The following CIC variants were observed in gnomAD, a reference collection of about 807,000 sequenced individuals.
CIC encodes the protein capicua transcriptional repressor, also known as protein capicua homolog.
CIC carries 18 observed loss-of-function variants against 115.7 expected under a neutral mutation model. That is an observed-to-expected ratio of 0.16 (90% confidence interval 0.11 to 0.23). The LOEUF (loss-of-function observed/expected upper bound fraction) is 0.23, where lower values mean the gene tolerates loss of function less well. Ranked by LOEUF, CIC falls within the 10% of genes least tolerant of loss-of-function variation. CIC has a pLI of 1.00. For missense variants in CIC, 2,000 were observed against 2,159.3 expected (o/e 0.93, Z 1.46); for synonymous variants, 1,076 against 923.0 (o/e 1.17, Z -3.01).
At chr19:42,276,565 A>T (rs1357526014) in intron 2 of CIC, among the ~76,000 whole-genome samples, 1 of 152,186 alleles carries the variant, frequency 6.6e-6, no homozygotes, top group African/African-American at 2.4e-5. Context: ...GACAGGGCAC[A>T]GGGACACGGG....
intron 2 of CIC, chr19:42,284,668 G>A: frequency 6.6e-7 from 1 of 1,509,268 alleles, no homozygotes; most frequent in Non-Finnish European, 8.9e-7. Context: ...CCGCTGAGGA[G>A]GTGCGAGCCC....
chr19:42,287,997 C>G lies in CIC; in HGVS notation c.3658+22C>G. The G allele has an allele frequency of 6.4e-7, 1 of 1,571,474 alleles. No individual in the cohort carries two copies. The highest frequency in any genetic ancestry group is 8.6e-7 in the Non-Finnish European group (1 of 1,158,744). ...GGGGGTTAGTCAGCCCCTTGGCTCT[C>G]CCACCCTGCCACCTCCCTCCCCGAG... is the stretch of plus-strand genomic sequence containing the variant. On this transcript the variant is annotated intron_variant, in intron 7 of 20. Transcript: ENST00000681038. The surrounding 1 kb of genome is among the most constrained non-coding windows in gnomAD (Gnocchi z 8.7).
chr19:42,285,326 G>A (rs1182614333), intron 2 of CIC, among the ~76,000 whole-genome samples: 1 of 152,128 alleles, frequency 6.6e-6, no homozygotes, highest in Non-Finnish European at 1.5e-5. Context: ...CCAGAAAAGA[G>A]GAGGCCTTGA....
Position 42,290,705 on chromosome 19 carries a change from G to C in CIC, c.4664G>C (p.Arg1555Thr). 2 of 1,612,866 alleles carry C rather than the reference G, an allele frequency of 1.2e-6. No individual in the cohort carries two copies. Among genetic ancestry groups the C allele is most frequent in the Non-Finnish European group, 1.7e-6 (2 of 1,179,866 alleles). Residue 1555 changes from arginine (R) to threonine (T), a missense_variant, in exon 11 of 21, where the codon AGA becomes ACA. Physicochemically the swap from Arg to Thr is moderately conservative, Grantham distance 71. Transcript: ENST00000681038. ...NKEEQEGGGA[R>T]VPSAPAPSLA... ...GAGGAGCAAGAGGGCGGCGGAGCCAGAGTGCCCTCCGCCCCCGCCCCATCA... is the reference window on the plus strand; with the variant it reads ...GAGGAGCAAGAGGGCGGCGGAGCCACAGTGCCCTCCGCCCCCGCCCCATCA...
intron 2 of CIC, chr19:42,284,753 C>A (rs1205578288): frequency 1.3e-6 from 2 of 1,557,174 alleles, no homozygotes; most frequent in East Asian, 2.4e-5. Context: ...CGCGGCCTCC[C>A]GTGGCCTCGG....
chr19:42,292,945 C>G lies in CIC; in HGVS notation c.6197-11C>G, dbSNP rs778618949. 23 of 1,613,796 alleles carry G rather than the reference C, an allele frequency of 1.4e-5. No individual in the cohort carries two copies. Among genetic ancestry groups the G allele is most frequent in the Non-Finnish European group, 1.7e-5 (20 of 1,180,034 alleles). On this transcript the variant is annotated splice_polypyrimidine_tract_variant and intron_variant, in intron 15 of 20. Transcript: ENST00000681038. ...CAGGCCTGGCTCAGCAAACAATTTTCTCCCCACTAGCAGGTTCCATGACCT... is the reference window on the plus strand; with the variant it reads ...CAGGCCTGGCTCAGCAAACAATTTTGTCCCCACTAGCAGGTTCCATGACCT...
At chr19:42,283,501 C>T (rs1378291161) in intron 2 of CIC, among the ~76,000 whole-genome samples, 1 of 152,008 alleles carries the variant, frequency 6.6e-6, no homozygotes, top group Non-Finnish European at 1.5e-5. Flanking sequence ...GGCATATGTG[C>T]CCGTGGGGTG....
chr19:42,295,143 G>GGGCCCCCCC lies in CIC; in HGVS notation c.7506_7507insGGCCCCCCC (p.Gln2502_Pro2503insGlyProPro). ...AGCCTGGCTGGGAGGGGGCTCCCCA[G>GGGCCCCCCC]CCCTCCCCCCCACCCCCAGGTCCCT... On this transcript the variant is annotated inframe_insertion, in exon 21 of 21. Transcript: ENST00000681038. 2.8e-5 allele frequency: 39 copies of GGGCCCCCCC among 1,382,590 alleles called. No homozygotes were observed. The highest frequency in any genetic ancestry group is 3.5e-5 in the Non-Finnish European group (36 of 1,037,698). The allele number at this position is 1,382,590 out of a possible 1,614,324, so 85.6% of individuals were successfully genotyped here. A position where few individuals can be genotyped will look rare whatever the true frequency, so the allele number is the denominator to read the frequency against.
intron 7 of CIC, among the ~76,000 whole-genome samples, chr19:42,288,475 A>G (rs953282080): frequency 2.0e-5 from 3 of 152,126 alleles, no homozygotes; most frequent in African/African-American, 7.2e-5. Flanking sequence ...TCTGGGGCAC[A>G]TTTTTGGAGT....
rs917011887 is a variant in CIC, at chr19:42,290,393, C to T, written c.4352C>T (p.Ser1451Phe). The change falls in exon 11 of 21, where the codon TCC becomes TTC. Residue 1451 changes from serine (S) to phenylalanine (F), a missense_variant. Physicochemically the swap from Ser to Phe is radical, Grantham distance 155. Around this residue, in one of 8 missense-constraint regions of CIC, gnomAD observed 1,466 missense variants for 1,390.4 expected, o/e 1.05. Coordinates refer to ENST00000681038, the MANE Select transcript of CIC (RefSeq NM_001386298.1). ...PSSSASSPAS[S>F]SASAATSFSL... The stretch of plus-strand genomic sequence containing the variant: ...TCCTCTGCGTCCTCGCCTGCTTCCT[C>T]CTCAGCCTCGGCAGCCACCTCCTTC... 5.6e-6 allele frequency: 9 copies of T among 1,614,014 alleles called. No homozygotes were observed. The highest frequency in any genetic ancestry group is 6.8e-6 in the Non-Finnish European group (8 of 1,179,996).
At chr19:42,275,619 G>A (rs1367391116) in intron 2 of CIC, among the ~76,000 whole-genome samples, 2 of 152,196 alleles carry the variant, frequency 1.3e-5, no homozygotes, top group African/African-American at 4.8e-5. Context: ...CACAGAGAGG[G>A]TGACAGACCT....
In CIC at chr19:42,291,403, G is replaced by A. The variant is rs1230468792; in HGVS notation, c.5362G>A (p.Ala1788Thr). ...GTSTNGKVLAATAPTPGIPIL... is the reference protein window; with the variant it reads ...GTSTNGKVLATTAPTPGIPIL... ...TTCCACCAACGGCAAAGTCCTGGCT[G>A]CCACTGCACCCACTCCTGGCATCCC... Residue 1788 changes from alanine to threonine, a missense_variant, in exon 11 of 21, where the codon GCC becomes ACC. By Grantham distance (58) the Ala-to-Thr change is moderately conservative. This residue lies in a region of CIC where 1,466 missense variants were observed against 1,390.4 expected (regional missense o/e 1.05). Coordinates refer to ENST00000681038, the MANE Select transcript of CIC (RefSeq NM_001386298.1). The A allele has an allele frequency of 6.2e-7, 1 of 1,612,506 alleles. No homozygotes were observed. The highest frequency in any genetic ancestry group is 1.3e-5 in the African/African-American group (1 of 75,018).
chr19:42,286,832 C>T lies in CIC; in HGVS notation c.2856C>T (p.Phe952=), dbSNP rs2037683113. The change falls in exon 3 of 21, where the codon TTC becomes TTT. Residue 952 remains phenylalanine, a synonymous_variant. Transcript: ENST00000681038. ...TCCCTTGGCACTCCTTAGTCCCCTT[C>T]CTGGCACCCAGCCAGCCTGACCCCT... ...AVFPWHSLVP[F]LAPSQPDPSV... is the part of the protein sequence containing the mutation. 2 of 1,614,010 alleles carry T rather than the reference C, an allele frequency of 1.2e-6. No individual in the cohort carries two copies. Among genetic ancestry groups the T allele is most frequent in the South Asian group, 1.1e-5 (1 of 91,086 alleles).
intron 2 of CIC, chr19:42,284,548 G>T (rs1209673960): frequency 8.6e-6 from 2 of 233,348 alleles, no homozygotes; most frequent in East Asian, 9.2e-5. Flanking sequence ...CCCCGCGTGG[G>T]GCGGCCGGAG....
rs1190034099 is a variant in CIC, at chr19:42,273,649, A to G, written c.1866A>G (p.Gln622=). ...CCTCCTTCTCACCCGTCTCCACTCA[A>G]TCGCCCTTCTCGCCAGCCCCATCAC... ...GTPSFSPVST[Q]SPFSPAPSPS... is the part of the protein sequence containing the mutation. The change falls in exon 2 of 21, where the codon CAA becomes CAG. Residue 622 remains glutamine, a synonymous_variant. Coordinates refer to ENST00000681038, the MANE Select transcript of CIC (RefSeq NM_001386298.1). The G allele has an allele frequency of 2.5e-6, 1 of 398,690 alleles. No individual in the cohort carries two copies. The highest frequency in any genetic ancestry group is 3.6e-5 in the East Asian group (1 of 28,056). 24.7% of individuals were successfully genotyped at this position (398,690 alleles called of 1,614,324 possible).
chr19:42,282,117 G>T (rs758013042), intron 2 of CIC, among the ~76,000 whole-genome samples: 1 of 152,108 alleles, frequency 6.6e-6, no homozygotes, highest in Non-Finnish European at 1.5e-5. Flanking sequence ...AGTAATGGAG[G>T]GTCTGAGTCT....
intron 7 of CIC, among the ~76,000 whole-genome samples, chr19:42,288,598 C>T (rs1156861277): frequency 2.6e-5 from 4 of 152,176 alleles, no homozygotes; most frequent in African/African-American, 9.7e-5. Context: ...GGAACCGAGG[C>T]TCAGGCCAGC....
intron 2 of CIC, among the ~76,000 whole-genome samples, chr19:42,278,114 G>C (rs1456003720): frequency 1.3e-5 from 2 of 152,244 alleles, no homozygotes; most frequent in African/African-American, 4.8e-5. Context: ...TGCTTCCGCT[G>C]GGGGACTTGC....
chr19:42,278,441 G>A (rs927504239), intron 2 of CIC, among the ~76,000 whole-genome samples: 1 of 152,216 alleles, frequency 6.6e-6, no homozygotes, highest in Non-Finnish European at 1.5e-5. Flanking sequence ...AGGTCTATAC[G>A]TGTGTCTCTC....
Sources: gnomAD v4.1 joint callset for allele counts (sites outside exome capture counted in the v4.1 genomes callset) on GRCh38, gnomAD v4.1.1 for gene constraint, gnomAD v4.1.1 regional missense constraint, Gnocchi (gnomAD v3.1) non-coding constraint, MANE v1.5 for transcripts, NCBI Gene and HGNC (gene_info 2026-07-23, HGNC 2026-07-21) for gene names.